RIC1: variants seen among roughly 807,000 people sequenced by gnomAD.
RIC1 encodes RIC1 partner of RAB6A GEF complex.
A neutral mutation model predicts 169.0 loss-of-function variants in RIC1; 88 were observed. That is an observed-to-expected ratio of 0.52 (90% CI 0.44 to 0.62). The LOEUF is 0.62. RIC1 is among the 20% of genes least tolerant of loss of function. RIC1 has a pLI of 0.00. For synonymous variants in RIC1, 790 were observed against 601.5 expected (o/e 1.31, Z -4.59); for missense variants, 1,877 against 1,725.5 (o/e 1.09, Z -1.56).
chr9:5,756,379 A>G lies in RIC1; in HGVS notation c.1853+7A>G. On this transcript the variant is annotated splice_region_variant and intron_variant, in intron 16 of 25. Transcript: ENST00000414202. ...TTGAAAGAAAATCTGATGGGTAAGT[A>G]TCTGGCATATGAGAAGTCACTTTTT... 2.1e-6 allele frequency: 3 copies of G among 1,431,630 alleles called. No individual in the cohort carries two copies. The highest frequency in any genetic ancestry group is 1.9e-6 in the Non-Finnish European group (2 of 1,076,546). 88.7% of individuals were successfully genotyped at this position (1,431,630 alleles called of 1,614,324 possible).
intron 17 of RIC1, among the ~76,000 whole-genome samples, chr9:5,762,008 C>T (rs1450257971): frequency 6.6e-6 from 1 of 152,128 alleles, no homozygotes; most frequent in Admixed American, 6.5e-5. Flanking sequence ...GGCTTCTTTC[C>T]TGCTGCTCTT....
chr9:5,645,042 T>G (rs1446868607), intron 1 of RIC1, among the ~76,000 whole-genome samples: 1 of 152,226 alleles, frequency 6.6e-6, no homozygotes, highest in Non-Finnish European at 1.5e-5. Context: ...TATATCTTAT[T>G]AGCCATTTCG....
chr9:5,752,036 C>T (rs1365680961), intron 12 of RIC1, among the ~76,000 whole-genome samples: 2 of 152,114 alleles, frequency 1.3e-5, no homozygotes, highest in Non-Finnish European at 2.9e-5. Flanking sequence ...AATTCTCGCC[C>T]CACTCCAACA....
In RIC1 at chr9:5,720,748, G is replaced by C. The variant is rs1823539695; in HGVS notation, c.718G>C (p.Glu240Gln). 6.2e-7 allele frequency: 1 copy of C among 1,602,624 alleles called. No homozygotes were observed. The highest frequency in any genetic ancestry group is 8.5e-7 in the Non-Finnish European group (1 of 1,175,766). The change falls in exon 6 of 26, where the codon GAG becomes CAG. Residue 240 changes from glutamate (E) to glutamine (Q), a missense_variant and splice_region_variant. This residue lies in a region of RIC1 where 1,104 missense variants were observed against 992.0 expected (regional missense o/e 1.11). Coordinates refer to ENST00000414202, the MANE Select transcript of RIC1 (RefSeq NM_020829.4). ...ITPVSSRFTA[E>Q]QLHGVWPQDV... ...ACCAGTGTCAAGTAGATTTACTGCAGAGGTATGACTTATTTACTTTGAAGG... is the reference window on the plus strand; with the variant it reads ...ACCAGTGTCAAGTAGATTTACTGCACAGGTATGACTTATTTACTTTGAAGG...
At chr9:5,632,937 A>G (rs966490286) in intron 1 of RIC1, among the ~76,000 whole-genome samples, 5 of 152,222 alleles carry the variant, frequency 3.3e-5, no homozygotes, top group African/African-American at 1.2e-4. Flanking sequence ...AAACATTTAA[A>G]TTAGCTTCAG....
chr9:5,710,679 C>T (rs1822877883), intron 3 of RIC1, among the ~76,000 whole-genome samples: 1 of 152,086 alleles, frequency 6.6e-6, no homozygotes, highest in African/African-American at 2.4e-5. Context: ...TTAAAGTAAA[C>T]AGATACTTGA....
chr9:5,709,815 C>G lies in RIC1; in HGVS notation c.333-4081C>G, dbSNP rs543631666. On this transcript the variant is annotated intron_variant, in intron 3 of 25. Coordinates refer to ENST00000414202, the MANE Select transcript of RIC1 (RefSeq NM_020829.4). ...GTTTGGAAGACAGGATGGAAACTTT[C>G]CTGCGAGATGTATCTCTAATTTTAT... 1.2e-4 allele frequency among the ~76,000 whole-genome samples: 18 copies of G among 152,194 alleles called. No homozygotes were observed. The East Asian group carries it at 3.1e-3, about 26-fold the overall frequency.
At chr9:5,703,742 T>C (rs957713361) in intron 3 of RIC1, among the ~76,000 whole-genome samples, 22 of 152,254 alleles carry the variant, frequency 1.4e-4, no homozygotes, top group African/African-American at 4.8e-4. Context: ...TTTTGTTATA[T>C]GGATTTACCA....
At chr9:5,645,945 A>C in intron 1 of RIC1, among the ~76,000 whole-genome samples, 1 of 118,416 alleles carries the variant, frequency 8.4e-6, no homozygotes, top group African/African-American at 3.5e-5. Context: ...TGGTTATTCT[A>C]TAGGTTTTTT....
At chr9:5,646,463 A>G (rs1351428633) in intron 1 of RIC1, among the ~76,000 whole-genome samples, 1 of 152,224 alleles carries the variant, frequency 6.6e-6, no homozygotes, top group Non-Finnish European at 1.5e-5. Flanking sequence ...TAGAAATTTT[A>G]TATAGTGTAA....
chr9:5,648,717 A>C (rs1434046885), intron 1 of RIC1, among the ~76,000 whole-genome samples: 1 of 152,206 alleles, frequency 6.6e-6, no homozygotes, highest in African/African-American at 2.4e-5. Context: ...TAACTGGGTT[A>C]AGATGATATC....
At chr9:5,728,353 T>A (rs540473537) in intron 6 of RIC1, among the ~76,000 whole-genome samples, 1 of 152,356 alleles carries the variant, frequency 6.6e-6, no homozygotes, top group Admixed American at 6.5e-5. Context: ...AGGCGCAGGA[T>A]ATAATCTCCT....
In RIC1 at chr9:5,722,568, A is replaced by G. The variant is rs1416150565; in HGVS notation, c.720+1818A>G. Among the ~76,000 whole-genome samples the G allele has an allele frequency of 2.6e-5, 4 of 151,692 alleles. No individual in the cohort carries two copies. In the East Asian group the frequency reaches 7.7e-4, roughly 29 times the overall value. ...GATCCCTTTCTAAATCTATCTTTTT[A>G]TTTACTTTTTTAAGTTCTAGGGTAC... is the stretch of plus-strand genomic sequence containing the variant. On this transcript the variant is annotated intron_variant, in intron 6 of 25. Coordinates refer to ENST00000414202, the MANE Select transcript of RIC1 (RefSeq NM_020829.4).
Position 5,732,486 on chromosome 9 carries a change from T to C in RIC1, c.812+7T>C, listed in dbSNP as rs770766396. On this transcript the variant is annotated splice_region_variant and intron_variant, in intron 7 of 25. Transcript: ENST00000414202. ...TGGCATTTGGCTGTGTGAGGTATAA[T>C]TGATGTAGGCTTTTGCATTTTTAAG... 24 of 1,579,048 alleles carry C rather than the reference T, an allele frequency of 1.5e-5. No individual in the cohort carries two copies. Among genetic ancestry groups the C allele is most frequent in the East Asian group, 2.3e-5 (1 of 44,272 alleles).
At chr9:5,756,073 A>T (rs2131053691) in intron 15 of RIC1, 139 bp from the exon 16 acceptor site, 1 of 444,190 alleles carries the variant, frequency 2.3e-6, no homozygotes. Flanking sequence ...TTTACTGTTA[A>T]AGCTTAGATA....
chr9:5,656,256 A>T (rs974639560), intron 1 of RIC1, among the ~76,000 whole-genome samples: 1 of 152,184 alleles, frequency 6.6e-6, no homozygotes, highest in Non-Finnish European at 1.5e-5. Context: ...TCCTGCTTCT[A>T]TCTTGTGGAA....
intron 17 of RIC1, among the ~76,000 whole-genome samples, chr9:5,761,303 G>C (rs185067496): frequency 1.3e-5 from 2 of 151,410 alleles, no homozygotes; most frequent in African/African-American, 4.9e-5. Context: ...TAGTAGAGAC[G>C]GGGTTTCACC....
In RIC1 at chr9:5,765,669, G is replaced by C. The variant is rs1358102515; in HGVS notation, c.3008G>C (p.Ser1003Thr). 6.2e-7 allele frequency: 1 copy of C among 1,614,040 alleles called. No homozygotes were observed. Among genetic ancestry groups the C allele is most frequent in the African/African-American group, 1.3e-5 (1 of 74,934 alleles). Residue 1003 changes from serine (S) to threonine (T), a missense_variant, in exon 21 of 26, where the codon AGT (serine) becomes ACT (threonine). Physicochemically the swap from Ser to Thr is moderately conservative, Grantham distance 58. This residue lies in a region of RIC1 where 681 missense variants were observed against 582.0 expected (regional missense o/e 1.17). Transcript: ENST00000414202. ...TATGGTGTGTAATCCTAGGAACCCAGTTCAAGTGGTGGATTTGAGTTCTTC... is the reference window on the plus strand; with the variant it reads ...TATGGTGTGTAATCCTAGGAACCCACTTCAAGTGGTGGATTTGAGTTCTTC... Reference protein sequence around the residue: ...PPSTPTAQEPSSSGGFEFFRN... With the variant: ...PPSTPTAQEPTSSGGFEFFRN...
At chr9:5,733,097 A>G (rs1445169529) in intron 7 of RIC1, among the ~76,000 whole-genome samples, 1 of 152,020 alleles carries the variant, frequency 6.6e-6, no homozygotes, top group Non-Finnish European at 1.5e-5. Context: ...CGATTATATT[A>G]GTTGTTATAA....
Sources: gnomAD v4.1 joint callset for allele counts (sites outside exome capture counted in the v4.1 genomes callset) on GRCh38, gnomAD v4.1.1 for gene constraint, gnomAD v4.1.1 regional missense constraint, MANE v1.5 for transcripts, NCBI Gene and HGNC (gene_info 2026-07-23, HGNC 2026-07-21) for gene names.